Variants in PPP2R2C observed in about 807,000 individuals in gnomAD.
PPP2R2C encodes the protein protein phosphatase 2, regulatory subunit B, gamma.
Under a neutral mutation model 45.3 loss-of-function variants are expected in PPP2R2C, and 10 were observed. The observed-to-expected ratio is 0.22, with a 90% CI of 0.14 to 0.37. The LOEUF is 0.37. PPP2R2C is among the 10% of genes least tolerant of loss of function. PPP2R2C has a pLI of 1.00. For missense variants in PPP2R2C, 308 were observed against 619.7 expected (o/e 0.50, Z 5.34); for synonymous variants, 257 against 245.4 (o/e 1.05, Z -0.44).
In PPP2R2C at chr4:6,332,528, T is replaced by C. The variant is rs1176243045; in HGVS notation, c.960+1034A>G. ...TCAGAGCAGCCCACCCTCTGAGCTC[T>C]GCACCAGTTCCCAGCGAGGCCTGCG... On this transcript the variant is annotated intron_variant, in intron 7 of 8. Transcript: ENST00000382599. This position sits in a 1 kb window ranked among gnomAD's most constrained non-coding sequence, Gnocchi z 4.9. Among the ~76,000 whole-genome samples, 1 of 152,202 alleles carries C rather than the reference T, an allele frequency of 6.6e-6. No individual in the cohort carries two copies. The highest frequency in any genetic ancestry group is 1.9e-4 in the East Asian group (1 of 5,192).
chr4:6,480,267 T>A (rs1473775172), intron 2 of PPP2R2C, among the ~76,000 whole-genome samples: 1 of 152,248 alleles, frequency 6.6e-6, no homozygotes, highest in Non-Finnish European at 1.5e-5. Context: ...TCCTAAGCAT[T>A]ATGTTTTCAG....
At chr4:6,507,918 G>A (rs1723292332) in intron 2 of PPP2R2C, among the ~76,000 whole-genome samples, 1 of 152,174 alleles carries the variant, frequency 6.6e-6, no homozygotes, top group South Asian at 2.1e-4. Context: ...ATACCTTTCA[G>A]CTCTGAAAAT....
rs538819980 is a variant in PPP2R2C, at chr4:6,500,143, T to TTTTA, written c.49+35124_49+35127dup. ...ATTAAGATTGCAGTGGCAGAAGGTA[T>TTTTA]TTTATTTATTTATTTATTTTTGAGA... On this transcript the variant is annotated intron_variant, in intron 2 of 9. Coordinates refer to the PPP2R2C transcript ENST00000506140. 4.3e-3 allele frequency among the ~76,000 whole-genome samples: 652 copies of TTTTA among 152,224 alleles called. 1 individual carries two copies. Among genetic ancestry groups the TTTTA allele is most frequent in the Non-Finnish European group, 6.9e-3 (472 of 68,000 alleles).
At chr4:6,543,405 AAATGGC>A (rs906848124) in intron 1 of PPP2R2C, among the ~76,000 whole-genome samples, 3 of 152,144 alleles carry the variant, frequency 2.0e-5, no homozygotes, top group African/African-American at 7.2e-5. Context: ...CACCAAAAAA[AAATGGC>A]AATGGTTAAA....
rs1278438147 is a variant in PPP2R2C, at chr4:6,358,058, A to G, written c.626-10048T>C. Among the ~76,000 whole-genome samples the G allele has an allele frequency of 3.3e-5, 5 of 152,246 alleles. No individual in the cohort carries two copies. The East Asian group carries it at 9.6e-4, about 29-fold the overall frequency. ...ATCCTAAGCAAAAGAACAAAGCTGG[A>G]GGCATCACGCTACCTGACTTCAAAC... On this transcript the variant is annotated intron_variant, in intron 5 of 8. Coordinates refer to ENST00000382599, the MANE Select transcript of PPP2R2C (RefSeq NM_020416.4).
chr4:6,420,648 T>C (rs1718898808), intron 1 of PPP2R2C, among the ~76,000 whole-genome samples: 1 of 152,122 alleles, frequency 6.6e-6, no homozygotes, highest in Non-Finnish European at 1.5e-5. Context: ...GGACACGAAC[T>C]GTCATCCAGG....
At chr4:6,349,689 GA>G in intron 5 of PPP2R2C, 3 of 792,936 alleles carry the variant, frequency 3.8e-6, no homozygotes, top group Non-Finnish European at 4.6e-6. Context: ...AATACAAAAA[GA>G]AATTAGTTGG....
chr4:6,500,539 C>T (rs1577223493), intron 2 of PPP2R2C, among the ~76,000 whole-genome samples: 1 of 152,230 alleles, frequency 6.6e-6, no homozygotes, highest in East Asian at 1.9e-4. Context: ...CGGCCTTGGA[C>T]CTACCATCAT....
intron 1 of PPP2R2C, among the ~76,000 whole-genome samples, chr4:6,454,758 G>GGACTCAACCTCTCTCT (rs1302367347): frequency 6.6e-6 from 1 of 152,078 alleles, no homozygotes; most frequent in Non-Finnish European, 1.5e-5. Context: ...CTTCGTCCTG[G>GGACTCAACCTCTCTCT]GACTCAACCT....
chr4:6,457,658 G>C (rs909612800), intron 1 of PPP2R2C, among the ~76,000 whole-genome samples: 2 of 152,188 alleles, frequency 1.3e-5, no homozygotes, highest in Non-Finnish European at 2.9e-5. Context: ...ACAGGTGTGA[G>C]CCACAATGCC....
chr4:6,523,345 G>T (rs899097364), intron 2 of PPP2R2C: 1 of 152,286 alleles, frequency 6.6e-6, no homozygotes, highest in African/African-American at 2.4e-5. Flanking sequence ...CCTGGGGCAA[G>T]TTACTCACCC....
chr4:6,422,914 C>G (rs994101122), intron 1 of PPP2R2C, among the ~76,000 whole-genome samples: 4 of 152,154 alleles, frequency 2.6e-5, no homozygotes, highest in African/African-American at 9.7e-5. Context: ...TAAGTAACAA[C>G]AACTAACCTT....
intron 1 of PPP2R2C, chr4:6,414,070 CTG>C: frequency 8.3e-7 from 1 of 1,202,264 alleles, no homozygotes; most frequent in Non-Finnish European, 1.1e-6. Flanking sequence ...TAAGTTTTGC[CTG>C]TGTATGTGTG....
chr4:6,554,887 A>AAAGGAAGG (rs1185835295), intron 1 of PPP2R2C, among the ~76,000 whole-genome samples: 21 of 106,062 alleles, frequency 2.0e-4, no homozygotes, highest in South Asian at 1.5e-3. Context: ...AAAGAAAAAG[A>AAAGGAAGG]AAGGAAGGAA....
chr4:6,410,931 C>T (rs915130447), intron 1 of PPP2R2C, among the ~76,000 whole-genome samples: 5 of 151,800 alleles, frequency 3.3e-5, no homozygotes, highest in African/African-American at 7.3e-5. Flanking sequence ...TGCGGTGGTG[C>T]GATCTCTGCT....
chr4:6,449,548 G>A (rs1448279301), intron 1 of PPP2R2C, among the ~76,000 whole-genome samples: 1 of 152,220 alleles, frequency 6.6e-6, no homozygotes, highest in Non-Finnish European at 1.5e-5. Flanking sequence ...GGCCCCTGTC[G>A]GGAGGGACTC....
upstream of PPP2R2C, among the ~76,000 whole-genome samples, chr4:6,477,530 T>C (rs1039921297): frequency 1.3e-5 from 2 of 151,682 alleles, no homozygotes; most frequent in Non-Finnish European, 1.5e-5. Flanking sequence ...ATCAAGACCA[T>C]CCTGGCTAAC....
intron 2 of PPP2R2C, among the ~76,000 whole-genome samples, chr4:6,480,831 A>G (rs1403525213): frequency 6.6e-6 from 1 of 152,242 alleles, no homozygotes; most frequent in Non-Finnish European, 1.5e-5. Flanking sequence ...GACACTTGGA[A>G]TAGACTTAAA....
chr4:6,397,545 C>T (rs1382063713), intron 1 of PPP2R2C, among the ~76,000 whole-genome samples: 1 of 151,342 alleles, frequency 6.6e-6, no homozygotes, highest in Non-Finnish European at 1.5e-5. Context: ...GAGCCTCTTG[C>T]ATGAGGTTCC....
Sources: gnomAD v4.1 joint callset for allele counts (sites outside exome capture counted in the v4.1 genomes callset) on GRCh38, gnomAD v4.1.1 for gene constraint, Gnocchi (gnomAD v3.1) non-coding constraint, MANE v1.5 for transcripts, NCBI Gene and HGNC (gene_info 2026-07-23, HGNC 2026-07-21) for gene names.